Variants in KCNK10 observed in about 807,000 individuals in gnomAD.
KCNK10 encodes the protein potassium channel subfamily K member 10.
Under a neutral mutation model 47.7 loss-of-function variants are expected in KCNK10, and 25 were observed. That is an observed-to-expected ratio of 0.52 (90% CI 0.38 to 0.73). KCNK10 has a LOEUF of 0.73. Ranked by LOEUF, KCNK10 falls within the 30% of genes least tolerant of loss-of-function variation. The pLI is 0.00. For missense variants in KCNK10, 563 were observed against 714.5 expected (o/e 0.79, Z 2.42); for synonymous variants, 303 against 285.6 (o/e 1.06, Z -0.61).
At chr14:88,271,218 C>T (rs943735925) in intron 1 of KCNK10, among the ~76,000 whole-genome samples, 1 of 152,152 alleles carries the variant, frequency 6.6e-6, no homozygotes, top group Non-Finnish European at 1.5e-5. Flanking sequence ...TAGCAGAGAA[C>T]CTACAACTAG....
At chr14:88,190,791 T>C (rs1356513319) in intron 5 of KCNK10, among the ~76,000 whole-genome samples, 5 of 152,146 alleles carry the variant, frequency 3.3e-5, no homozygotes. Flanking sequence ...GTTATTTGTA[T>C]TATAAAATTA....
At chr14:88,245,405 G>C (rs937908962) in intron 2 of KCNK10, among the ~76,000 whole-genome samples, 5 of 152,256 alleles carry the variant, frequency 3.3e-5, no homozygotes, top group African/African-American at 9.6e-5. Context: ...AGTGAGGCGG[G>C]TCTGTAGCTG....
chr14:88,266,970 C>T (rs373936174), intron 1 of KCNK10, among the ~76,000 whole-genome samples: 2 of 152,164 alleles, frequency 1.3e-5, no homozygotes, highest in East Asian at 1.9e-4. Flanking sequence ...AAGAGACTGT[C>T]CATTAGGGCA....
At chr14:88,208,370 C>T (rs911655440) in intron 4 of KCNK10, among the ~76,000 whole-genome samples, 1 of 152,188 alleles carries the variant, frequency 6.6e-6, no homozygotes, top group Admixed American at 6.5e-5. Flanking sequence ...GCCATCTGTA[C>T]AGGTCCTCTT....
At chr14:88,280,796 C>T (rs1456557782) in intron 1 of KCNK10, among the ~76,000 whole-genome samples, 2 of 152,148 alleles carry the variant, frequency 1.3e-5, no homozygotes, top group Non-Finnish European at 2.9e-5. Context: ...TCCATCCAGG[C>T]TACCTGCTCC....
At chr14:88,225,589 G>A (rs1238884842) in intron 4 of KCNK10, among the ~76,000 whole-genome samples, 3 of 152,164 alleles carry the variant, frequency 2.0e-5, no homozygotes, top group Non-Finnish European at 1.5e-5. Flanking sequence ...TTCAAATATA[G>A]TAACTAGAAT....
chr14:88,286,734 T>TTA (rs1308855661), intron 1 of KCNK10, among the ~76,000 whole-genome samples: 1 of 152,132 alleles, frequency 6.6e-6, no homozygotes, highest in Non-Finnish European at 1.5e-5. Flanking sequence ...GGAAAACCCC[T>TTA]TATAAAACCA....
At chr14:88,310,397 G>A (rs951664815) in intron 1 of KCNK10, among the ~76,000 whole-genome samples, 1 of 151,868 alleles carries the variant, frequency 6.6e-6, no homozygotes, top group African/African-American at 2.4e-5. Context: ...CTCGCTAAGT[G>A]TTTATGGAAT....
intron 1 of KCNK10, among the ~76,000 whole-genome samples, chr14:88,280,632 TAATGTTCACCCA>T (rs528216702): frequency 3.4e-4 from 52 of 152,272 alleles, no homozygotes; most frequent in African/African-American, 1.2e-3. Context: ...CGAATGATAG[TAATGTTCACCCA>T]AACCGTTCAA....
chr14:88,279,046 C>A (rs1031642388), intron 1 of KCNK10, among the ~76,000 whole-genome samples: 19 of 152,146 alleles, frequency 1.2e-4, no homozygotes, highest in Non-Finnish European at 2.4e-4. Context: ...TCATTGAGAA[C>A]CTCCCATGAG....
Position 88,180,758 on chromosome 14 carries a change from C to A in KCNK10, c.*4777G>T. The stretch of plus-strand genomic sequence containing the variant: ...GCAGGCATGAGAGAACTGAGGTTTA[C>A]ATGGAGTATGGATGGGTTGGTGAAG... On this transcript the variant is annotated 3_prime_UTR_variant, in exon 7 of 7. Coordinates refer to ENST00000319231, the MANE Select transcript of KCNK10 (RefSeq NM_138317.3). 1 of 398,706 alleles carries A rather than the reference C, an allele frequency of 2.5e-6. No homozygotes were observed. Among genetic ancestry groups the A allele is most frequent in the Non-Finnish European group, 4.4e-6 (1 of 226,036 alleles). 24.7% of individuals were successfully genotyped at this position (398,706 alleles called of 1,614,324 possible). A position where few individuals can be genotyped will look rare whatever the true frequency, so the allele number is the denominator to read the frequency against.
chr14:88,180,587 T>C lies in KCNK10; in HGVS notation c.*4948A>G, dbSNP rs1884313031. Reference sequence around the variant, plus strand: ...TAATTTATTTTAATGCACAGGGAACTATTTCAGATTTTTCACCTAAGAATC... The same window carrying C: ...TAATTTATTTTAATGCACAGGGAACCATTTCAGATTTTTCACCTAAGAATC... On this transcript the variant is annotated 3_prime_UTR_variant, in exon 7 of 7. Coordinates refer to ENST00000319231, the MANE Select transcript of KCNK10 (RefSeq NM_138317.3). 7.6e-6 allele frequency: 3 copies of C among 393,542 alleles called. No individual in the cohort carries two copies. Among genetic ancestry groups the C allele is most frequent in the Non-Finnish European group, 1.3e-5 (3 of 223,348 alleles). The allele number at this position is 393,542 out of a possible 1,614,324, so 24.4% of individuals were successfully genotyped here.
rs369276968 is a variant in KCNK10, at chr14:88,227,405, T to C, written c.651A>G (p.Lys217=). The C allele has an allele frequency of 1.7e-5, 28 of 1,612,650 alleles. No homozygotes were observed. The highest frequency in any genetic ancestry group is 2.3e-5 in the Non-Finnish European group (27 of 1,179,610). ...AGACCTTCTCCACTCTTGCAATGCT[T>C]TTCCCAAAGATGGTTCCAAGTTGGT... ...IGDQLGTIFG[K]SIARVEKVFR... The change falls in exon 4 of 7, where the codon AAA becomes AAG. Residue 217 remains lysine (K), a synonymous_variant. Coordinates refer to ENST00000319231, the MANE Select transcript of KCNK10 (RefSeq NM_138317.3).
At chr14:88,303,600 T>C (rs1398449132) in intron 1 of KCNK10, among the ~76,000 whole-genome samples, 1 of 151,880 alleles carries the variant, frequency 6.6e-6, no homozygotes, top group African/African-American at 2.4e-5. Flanking sequence ...AGAGATCAAT[T>C]CCCCAGGAGA....
chr14:88,284,824 C>T (rs1028816017), intron 1 of KCNK10, among the ~76,000 whole-genome samples: 1 of 152,146 alleles, frequency 6.6e-6, no homozygotes. Context: ...ATCCTTAAAT[C>T]CAATCAAGTT....
At chr14:88,219,693 G>A (rs1423090424) in intron 4 of KCNK10, among the ~76,000 whole-genome samples, 2 of 152,166 alleles carry the variant, frequency 1.3e-5, no homozygotes, top group East Asian at 3.8e-4. Context: ...AATGTGTTCA[G>A]CCCCAAGAGA....
At chr14:88,318,774 G>A (rs1489600359) in intron 1 of KCNK10, among the ~76,000 whole-genome samples, 4 of 152,160 alleles carry the variant, frequency 2.6e-5, no homozygotes, top group Admixed American at 1.3e-4. Context: ...CCATGGAAGG[G>A]AAGCGAAACC....
intron 1 of KCNK10, among the ~76,000 whole-genome samples, chr14:88,271,674 T>C (rs544502308): frequency 6.6e-6 from 1 of 152,146 alleles, no homozygotes; most frequent in South Asian, 2.1e-4. Flanking sequence ...CCCTCTCTGG[T>C]GGAAGACAGG....
Position 88,246,257 on chromosome 14 carries a change from C to T in KCNK10, c.403-5437G>A, listed in dbSNP as rs1431868932. Among the ~76,000 whole-genome samples the T allele has an allele frequency of 4.0e-5, 5 of 126,444 alleles. No homozygotes were observed. In the East Asian group the frequency reaches 1.2e-3, roughly 31 times the overall value. 83.0% of individuals were successfully genotyped at this position (126,444 alleles called of 152,430 possible). A position where few individuals can be genotyped will look rare whatever the true frequency, so the allele number is the denominator to read the frequency against. On this transcript the variant is annotated intron_variant, in intron 2 of 6. Coordinates refer to ENST00000319231, the MANE Select transcript of KCNK10 (RefSeq NM_138317.3). ...CAGCCTGGGGGACAGAGCGAGACTC[C>T]GTCTCAGAAAAAAAAAAAAAAAAAA... is the stretch of plus-strand genomic sequence containing the variant.
Sources: gnomAD v4.1 joint callset for allele counts (sites outside exome capture counted in the v4.1 genomes callset) on GRCh38, gnomAD v4.1.1 for gene constraint, MANE v1.5 for transcripts, NCBI Gene and HGNC (gene_info 2026-07-23, HGNC 2026-07-21) for gene names.